The following KIAA0930 variants were observed in gnomAD, a reference collection of about 807,000 sequenced individuals.
The protein encoded by KIAA0930 is uncharacterized protein KIAA0930.
Under a neutral mutation model 43.9 loss-of-function variants are expected in KIAA0930, and 24 were observed. That is an observed-to-expected ratio of 0.55 (90% CI 0.40 to 0.77). The LOEUF (loss-of-function observed/expected upper bound fraction) is 0.77. Among genes scored for constraint, KIAA0930 ranks in the 30% least tolerant of loss-of-function variants. The pLI is 0.00. For synonymous variants in KIAA0930, 259 were observed against 216.4 expected, an observed-to-expected ratio of 1.20 and a Z score of -1.73; for missense variants, 461 against 574.2, an observed-to-expected ratio of 0.80 and a Z score of 2.02.
At chr22:45,203,283 G>A (rs1213029951) in intron 6 of KIAA0930, 99 bp from the exon 7 acceptor site, 1 of 1,253,298 alleles carries the variant, frequency 8.0e-7, no homozygotes, top group African/African-American at 1.5e-5. Flanking sequence ...ATCCCTCAAG[G>A]AGCGGGGGCT....
chr22:45,224,592 G>A (rs886832939), intron 1 of KIAA0930, among the ~76,000 whole-genome samples: 1 of 152,078 alleles, frequency 6.6e-6, no homozygotes, highest in Non-Finnish European at 1.5e-5. Flanking sequence ...TGCTGCCCCC[G>A]CCATCCCCAG....
chr22:45,229,948 G>A (rs2083841807), intron 1 of KIAA0930, among the ~76,000 whole-genome samples: 1 of 152,182 alleles, frequency 6.6e-6, no homozygotes, highest in Non-Finnish European at 1.5e-5. Flanking sequence ...ACAAAAAAAT[G>A]AGCCAGGCAT....
At chr22:45,237,943 C>CAGG (rs2083896813) in intron 1 of KIAA0930, among the ~76,000 whole-genome samples, 2 of 148,640 alleles carry the variant, frequency 1.3e-5, no homozygotes, top group African/African-American at 2.5e-5. Flanking sequence ...TTTTTTGAGA[C>CAGG]AGAGTCTCAC....
At chr22:45,238,078 G>T (rs748793261) in intron 1 of KIAA0930, among the ~76,000 whole-genome samples, 12 of 151,870 alleles carry the variant, frequency 7.9e-5, no homozygotes, top group South Asian at 2.1e-4. Flanking sequence ...CCGCCACCAC[G>T]CCTGGCTAAT....
chr22:45,203,612 C>T (rs369172596), intron 6 of KIAA0930, among the ~76,000 whole-genome samples: 74 of 152,290 alleles, frequency 4.9e-4, no homozygotes, highest in Non-Finnish European at 8.4e-4. Context: ...AGGAAGTTCC[C>T]GCTCACATTT....
At chr22:45,215,738 A>C (rs1374886812) in intron 1 of KIAA0930, among the ~76,000 whole-genome samples, 1 of 152,280 alleles carries the variant, frequency 6.6e-6, no homozygotes, top group Non-Finnish European at 1.5e-5. Flanking sequence ...AATCACATGG[A>C]AACACCAGAG....
chr22:45,200,970 G>C (rs1196549122), intron 7 of KIAA0930: 1 of 521,860 alleles, frequency 1.9e-6, no homozygotes, highest in African/African-American at 1.9e-5. Flanking sequence ...AAGAAGGGGG[G>C]GAAGGGCGTT....
Position 45,192,531 on chromosome 22 carries a change from A to G in KIAA0930, c.*4645T>C, listed in dbSNP as rs1473411414. Reference sequence around the variant, plus strand: ...CTCAACAGGTTTTCTTACAGATTTAATTACTCTCACACAAATAATTCATTT... The same window carrying G: ...CTCAACAGGTTTTCTTACAGATTTAGTTACTCTCACACAAATAATTCATTT... On this transcript the variant is annotated 3_prime_UTR_variant, in exon 10 of 10. Coordinates refer to ENST00000336156, the MANE Select transcript of KIAA0930 (RefSeq NM_001009880.2). 1 of 152,236 alleles carries G rather than the reference A, an allele frequency of 6.6e-6. No homozygotes were observed. Among genetic ancestry groups the G allele is most frequent in the Non-Finnish European group, 1.5e-5 (1 of 68,040 alleles). 9.4% of individuals were successfully genotyped at this position (152,236 alleles called of 1,614,324 possible).
intron 1 of KIAA0930, among the ~76,000 whole-genome samples, chr22:45,217,091 C>A (rs182227956): frequency 6.6e-6 from 1 of 152,062 alleles, no homozygotes; most frequent in Non-Finnish European, 1.5e-5. Flanking sequence ...CCAGATGCGG[C>A]GGTTCATGCC....
At chr22:45,238,772 G>A (rs2083901054) in intron 1 of KIAA0930, among the ~76,000 whole-genome samples, 1 of 152,090 alleles carries the variant, frequency 6.6e-6, no homozygotes, top group Admixed American at 6.5e-5. Context: ...AGACCTGGCT[G>A]GGGATATTCA....
intron 2 of KIAA0930, among the ~76,000 whole-genome samples, chr22:45,208,078 G>C (rs1267111592): frequency 6.6e-6 from 1 of 152,164 alleles, no homozygotes; most frequent in Non-Finnish European, 1.5e-5. Context: ...CATCAGAAAG[G>C]TGTCCGTGTG....
intron 2 of KIAA0930, among the ~76,000 whole-genome samples, chr22:45,206,643 A>C (rs2083640664): frequency 6.6e-6 from 1 of 152,144 alleles, no homozygotes; most frequent in South Asian, 2.1e-4. Context: ...TCAATAATAA[A>C]TACATATCAG....
chr22:45,205,505 C>G, intron 4 of KIAA0930, 125 bp downstream of exon 4: 3 of 974,930 alleles, frequency 3.1e-6, no homozygotes, highest in Non-Finnish European at 4.8e-6. Flanking sequence ...AGGAGCTGAG[C>G]AGATTTCTGG....
chr22:45,208,026 G>A (rs985746400), intron 2 of KIAA0930, among the ~76,000 whole-genome samples: 6 of 152,248 alleles, frequency 3.9e-5, no homozygotes, highest in African/African-American at 1.2e-4. Flanking sequence ...ACGGCTGTTC[G>A]GGGCAGCACC....
At chr22:45,205,459 C>G (rs954875263) in intron 4 of KIAA0930, 141 bp from the exon 5 acceptor site, 7 of 920,114 alleles carry the variant, frequency 7.6e-6, no homozygotes, top group Non-Finnish European at 1.0e-5. Context: ...GGGGGATAAG[C>G]TGGTTCTGTG....
chr22:45,231,483 G>A (rs1470640510), intron 1 of KIAA0930, among the ~76,000 whole-genome samples: 1 of 152,086 alleles, frequency 6.6e-6, no homozygotes, highest in African/African-American at 2.4e-5. Context: ...AGGATACAGA[G>A]GCAGGGGTGG....
chr22:45,240,717 C>A lies in KIAA0930; in HGVS notation c.-14G>T. 1.6e-6 allele frequency: 2 copies of A among 1,249,686 alleles called. No individual in the cohort carries two copies. Among genetic ancestry groups the A allele is most frequent in the Non-Finnish European group, 2.0e-6 (2 of 993,528 alleles). 77.4% of individuals were successfully genotyped at this position (1,249,686 alleles called of 1,614,324 possible). On this transcript the variant is annotated 5_prime_UTR_variant, in exon 1 of 10. Coordinates refer to ENST00000336156, the MANE Select transcript of KIAA0930 (RefSeq NM_001009880.2). ...GGCACGCAGCATGTGCTGCAGCGAG[C>A]GCTCCTCGGCCTCGGCGCCGCCCGC...
At position 45,205,802 on chromosome 22, in the gene KIAA0930, G is replaced by A. The variant is rs764872471; in HGVS notation, c.327C>T (p.Ile109=). 3 of 1,508,580 alleles carry A rather than the reference G, an allele frequency of 2.0e-6. No individual in the cohort carries two copies. Among genetic ancestry groups the A allele is most frequent in the Middle Eastern group, 1.8e-4 (1 of 5,630 alleles). The allele number at this position is 1,508,580 out of a possible 1,614,324, so 93.4% of individuals were successfully genotyped here. The change falls in exon 3 of 10, where the codon ATC becomes ATT. Residue 109 remains isoleucine (I), a synonymous_variant. Coordinates refer to ENST00000336156, the MANE Select transcript of KIAA0930 (RefSeq NM_001009880.2). The part of the protein sequence containing the change: ...DWEESVCLNL[I]LQKLDYMVTC... Reference sequence around the variant, plus strand: ...CCATCCCACCCCATACCTTCTGCAGGATGAGATTCAGGCAGACGCTCTCCT... The same window carrying A: ...CCATCCCACCCCATACCTTCTGCAGAATGAGATTCAGGCAGACGCTCTCCT...
intron 2 of KIAA0930, among the ~76,000 whole-genome samples, chr22:45,209,471 TG>T (rs1464662067): frequency 2.0e-5 from 3 of 152,164 alleles, no homozygotes; most frequent in Non-Finnish European, 4.4e-5. Context: ...CGGCCTAGTC[TG>T]GCAGGTCCCA....
Sources: gnomAD v4.1 joint callset for allele counts (sites outside exome capture counted in the v4.1 genomes callset) on GRCh38, gnomAD v4.1.1 for gene constraint, MANE v1.5 for transcripts, NCBI Gene and HGNC (gene_info 2026-07-23, HGNC 2026-07-21) for gene names.